DNAAF9: variants seen among roughly 807,000 people sequenced by gnomAD.
DNAAF9 encodes shulin.
DNAAF9 carries 90 observed loss-of-function variants against 167.0 expected under a neutral mutation model. The ratio of observed to expected loss-of-function variants is 0.54; its 90% CI spans 0.45 to 0.64. The LOEUF is 0.64. Ranked by LOEUF, DNAAF9 falls within the 30% of genes least tolerant of loss-of-function variation. The probability of loss-of-function intolerance (pLI) is 0.00; values close to 1 mark genes in which losing one functional copy is unlikely to be tolerated. For synonymous variants in DNAAF9, 491 were observed against 508.8 expected (o/e 0.96, Z 0.47); for missense variants, 1,315 against 1,442.2 (o/e 0.91, Z 1.43).
At chr20:3,324,383 T>C (rs1011570293) in intron 14 of DNAAF9, among the ~76,000 whole-genome samples, 1 of 151,900 alleles carries the variant, frequency 6.6e-6, no homozygotes, top group African/African-American at 2.4e-5. Context: ...TTCATGAAGA[T>C]TTAGCTATGG....
chr20:3,364,130 C>T (rs1600862219), intron 6 of DNAAF9, among the ~76,000 whole-genome samples: 1 of 152,094 alleles, frequency 6.6e-6, no homozygotes. Context: ...TCTTCTATGG[C>T]TCAGTCTTTC....
In DNAAF9 at chr20:3,397,722, G is replaced by T. The variant is rs532729209; in HGVS notation, c.83+9753C>A. On this transcript the variant is annotated intron_variant, in intron 1 of 36. Coordinates refer to ENST00000252032, the MANE Select transcript of DNAAF9 (RefSeq NM_001009984.3). Reference sequence around the variant, plus strand: ...TAAATTTTAAGCAGATTTTTTTTGGGGGGGGGGAACATCTACCAGTCTATT... The same window carrying T: ...TAAATTTTAAGCAGATTTTTTTTGGTGGGGGGGAACATCTACCAGTCTATT... Among the ~76,000 whole-genome samples, 8 of 97,256 alleles carry T rather than the reference G, an allele frequency of 8.2e-5. No homozygotes were observed. In the East Asian group the frequency reaches 2.3e-3, roughly 28 times the overall value. 63.8% of individuals were successfully genotyped at this position (97,256 alleles called of 152,430 possible).
intron 8 of DNAAF9, among the ~76,000 whole-genome samples, chr20:3,348,230 C>G (rs1204392943): frequency 6.6e-6 from 1 of 152,092 alleles, no homozygotes; most frequent in Non-Finnish European, 1.5e-5. Flanking sequence ...CAAAGGTGTG[C>G]TACTCACATG....
At chr20:3,300,441 T>C (rs1181099922) in intron 21 of DNAAF9, among the ~76,000 whole-genome samples, 1 of 152,000 alleles carries the variant, frequency 6.6e-6, no homozygotes, top group Non-Finnish European at 1.5e-5. Flanking sequence ...TTGATGCTAA[T>C]GTAAATTGAA....
At chr20:3,303,294 G>C (rs1388627365) in intron 21 of DNAAF9, among the ~76,000 whole-genome samples, 1 of 150,594 alleles carries the variant, frequency 6.6e-6, no homozygotes, top group Non-Finnish European at 1.5e-5. Context: ...TTTTCCTTTA[G>C]AATTTCTTGT....
intron 14 of DNAAF9, among the ~76,000 whole-genome samples, chr20:3,323,060 G>A (rs2069644890): frequency 6.6e-5 from 10 of 151,752 alleles, no homozygotes; most frequent in Admixed American, 6.6e-4. Flanking sequence ...ACAGTCAAAT[G>A]CTGTGGAGCC....
intron 35 of DNAAF9, among the ~76,000 whole-genome samples, chr20:3,254,309 C>A (rs1331739904): frequency 6.6e-6 from 1 of 152,084 alleles, no homozygotes; most frequent in Non-Finnish European, 1.5e-5. Flanking sequence ...GAACTCCTGA[C>A]CTCAAGTGAT....
At position 3,298,157 on chromosome 20, in the gene DNAAF9, C is replaced by G; in HGVS notation, c.1801G>C (p.Ala601Pro). 6.2e-7 allele frequency: 1 copy of G among 1,613,870 alleles called. No individual in the cohort carries two copies. Among genetic ancestry groups the G allele is most frequent in the Non-Finnish European group, 8.5e-7 (1 of 1,179,862 alleles). The change falls in exon 22 of 37, where the codon GCT becomes CCT. Residue 601 changes from alanine to proline, a missense_variant. By Grantham distance (27) the Ala-to-Pro change is conservative (BLOSUM62 -1). Transcript: ENST00000252032. Reference protein sequence around the residue: ...FYDGDSTSTVAALLIDFKSSL... With the variant: ...FYDGDSTSTVPALLIDFKSSL... ...CTTTTGAAGTCTATGAGAAGAGCAG[C>G]AACAGTACTGGTGGAATCCTAAAGC...
At chr20:3,312,870 A>G (rs933639377) in intron 20 of DNAAF9, among the ~76,000 whole-genome samples, 1 of 152,178 alleles carries the variant, frequency 6.6e-6, no homozygotes, top group Non-Finnish European at 1.5e-5. Context: ...TCAGAAAACC[A>G]TCTCCTAATT....
intron 16 of DNAAF9, among the ~76,000 whole-genome samples, chr20:3,319,237 TGGGCAACGGACCGAGACCCC>T (rs1232492946): frequency 1.0e-4 from 12 of 117,284 alleles, no homozygotes; most frequent in African/African-American, 3.9e-4. Flanking sequence ...CACTCCAGCC[TGGGCAACGGACCGAGACCCC>T]GTCTCAAAAA....
chr20:3,274,889 GA>G (rs1173918884), intron 29 of DNAAF9, among the ~76,000 whole-genome samples: 1 of 152,240 alleles, frequency 6.6e-6, no homozygotes, highest in East Asian at 1.9e-4. Context: ...TCGTGGTTTA[GA>G]TGGGGGGCAA....
chr20:3,382,626 T>G, intron 1 of DNAAF9, 120 bp from the exon 2 acceptor site: 1 of 752,924 alleles, frequency 1.3e-6, no homozygotes, highest in Admixed American at 2.1e-5. Context: ...GGATGGAAAT[T>G]GATTCTTGTC....
intron 1 of DNAAF9, among the ~76,000 whole-genome samples, chr20:3,404,934 T>G (rs1256422015): frequency 6.6e-6 from 1 of 152,174 alleles, no homozygotes; most frequent in Non-Finnish European, 1.5e-5. Flanking sequence ...CAAGCATAGG[T>G]CACCTGGAAG....
At chr20:3,297,586 G>A (rs556587228) in intron 22 of DNAAF9, among the ~76,000 whole-genome samples, 2 of 152,162 alleles carry the variant, frequency 1.3e-5, no homozygotes, top group East Asian at 1.9e-4. Flanking sequence ...TTTCATTCTC[G>A]TAAACTCCCT....
chr20:3,392,922 T>C (rs74338704), intron 1 of DNAAF9, among the ~76,000 whole-genome samples: 3,777 of 152,332 alleles, frequency 0.025, 73 homozygotes, highest in Non-Finnish European at 0.039. Flanking sequence ...CATAGAAAAC[T>C]GACGTGAACA....
At chr20:3,264,373 C>G in intron 31 of DNAAF9, 65 bp downstream of exon 31, 2 of 741,454 alleles carry the variant, frequency 2.7e-6, no homozygotes, top group South Asian at 1.6e-5. Context: ...TTTTTTTTTT[C>G]TGTAAATAAA....
At position 3,281,636 on chromosome 20, in the gene DNAAF9, T is replaced by A; in HGVS notation, c.2612+5A>T. 6.2e-7 allele frequency: 1 copy of A among 1,605,348 alleles called. No homozygotes were observed. Among genetic ancestry groups the A allele is most frequent in the Non-Finnish European group, 8.5e-7 (1 of 1,177,150 alleles). The stretch of plus-strand genomic sequence containing the variant: ...GTACACTTACACACCATATCCTGTA[T>A]CTACCTGTGCTCCATGTAGCAGCTC... On this transcript the variant is annotated splice_donor_5th_base_variant and intron_variant, in intron 28 of 36. Transcript: ENST00000252032.
chr20:3,293,125 CT>C (rs1280317205), intron 25 of DNAAF9, among the ~76,000 whole-genome samples: 1 of 150,628 alleles, frequency 6.6e-6, no homozygotes, highest in Non-Finnish European at 1.5e-5. Context: ...AACCCCGTCT[CT>C]ACTAAAAATA....
At chr20:3,395,333 T>C (rs1332185905) in intron 1 of DNAAF9, among the ~76,000 whole-genome samples, 4 of 151,808 alleles carry the variant, frequency 2.6e-5, no homozygotes, top group Non-Finnish European at 5.9e-5. Context: ...CAGGCTGGAA[T>C]GCAGTGGTGC....
Sources: allele counts gnomAD v4.1 joint callset (sites outside exome capture counted in the v4.1 genomes callset), GRCh38; gene constraint gnomAD v4.1.1; transcripts MANE v1.5; gene names NCBI Gene and HGNC (gene_info 2026-07-23, HGNC 2026-07-21).